GSE1: variants seen among roughly 807,000 people sequenced by gnomAD.
GSE1 encodes genetic suppressor element 1.
A neutral mutation model predicts 112.6 loss-of-function variants in GSE1; 32 were observed. The ratio of observed to expected loss-of-function variants is 0.28; its 90% confidence interval spans 0.21 to 0.38. The LOEUF (loss-of-function observed/expected upper bound fraction) is 0.38, where lower values mean the gene tolerates loss of function less well. GSE1 is among the 10% of genes least tolerant of loss of function. GSE1 has a pLI of 1.00. For synonymous variants in GSE1, 1,115 were observed against 735.6 expected (o/e 1.52, Z -8.35); for missense variants, 2,348 against 1,699.2 (o/e 1.38, Z -6.71).
chr16:85,416,611 C>T (rs2048709181), intron 2 of GSE1, among the ~76,000 whole-genome samples: 1 of 152,224 alleles, frequency 6.6e-6, no homozygotes, highest in Non-Finnish European at 1.5e-5. Flanking sequence ...CCCATCACAT[C>T]CTGTACATTT....
intron 1 of GSE1, among the ~76,000 whole-genome samples, chr16:85,302,928 C>A (rs2045567297): frequency 6.6e-6 from 1 of 152,234 alleles, no homozygotes; most frequent in South Asian, 2.1e-4. Flanking sequence ...GGGTCTTCCA[C>A]AAGGTGACTC....
At chr16:85,512,680 C>G (rs2051788232) in intron 2 of GSE1, among the ~76,000 whole-genome samples, 1 of 152,134 alleles carries the variant, frequency 6.6e-6, no homozygotes, top group African/African-American at 2.4e-5. Flanking sequence ...AATTAAGGGT[C>G]CCTCACACCA....
At chr16:85,538,403 G>A (rs745583626) in intron 2 of GSE1, among the ~76,000 whole-genome samples, 13 of 152,152 alleles carry the variant, frequency 8.5e-5, no homozygotes, top group East Asian at 3.9e-4. Flanking sequence ...ACAGCAGTGC[G>A]GCAGGGAGTT....
chr16:85,320,569 A>G (rs899480012), intron 1 of GSE1, among the ~76,000 whole-genome samples: 4 of 152,212 alleles, frequency 2.6e-5, no homozygotes, highest in Admixed American at 6.5e-5. Flanking sequence ...TGCTGGGATT[A>G]TAAGCGTGAG....
intron 3 of GSE1, among the ~76,000 whole-genome samples, chr16:85,649,398 A>G (rs1186652346): frequency 6.6e-6 from 1 of 152,216 alleles, no homozygotes; most frequent in Non-Finnish European, 1.5e-5. Context: ...GAGGTAGGAA[A>G]GATCCCAGCC....
At chr16:85,314,902 A>T (rs1371649957) in intron 1 of GSE1, among the ~76,000 whole-genome samples, 1 of 152,170 alleles carries the variant, frequency 6.6e-6, no homozygotes, top group African/African-American at 2.4e-5. Flanking sequence ...GTGTTGATCA[A>T]GTGACAAGCT....
At chr16:85,501,915 C>G (rs1301813891) in intron 2 of GSE1, among the ~76,000 whole-genome samples, 1 of 152,238 alleles carries the variant, frequency 6.6e-6, no homozygotes, top group Non-Finnish European at 1.5e-5. Flanking sequence ...GAATTTCCCT[C>G]AGGCCCTGGC....
At chr16:85,259,694 C>T (rs991682430) in intron 1 of GSE1, among the ~76,000 whole-genome samples, 1 of 152,178 alleles carries the variant, frequency 6.6e-6, no homozygotes, top group African/African-American at 2.4e-5. Context: ...GTAACAGTCC[C>T]GAGGGCAGGG....
chr16:85,178,987 G>T (rs540356652), intron 1 of GSE1, among the ~76,000 whole-genome samples: 1 of 152,228 alleles, frequency 6.6e-6, no homozygotes, highest in South Asian at 2.1e-4. Flanking sequence ...GGTGGTTTTT[G>T]TTGTTGTTTT....
At chr16:85,579,925 C>G (rs2046379056) in intron 1 of GSE1, 1 of 152,198 alleles carries the variant, frequency 6.6e-6, no homozygotes, top group African/African-American at 2.4e-5. Flanking sequence ...CCTGAGGAAC[C>G]AGGGCTAAAC....
chr16:85,213,281 AAAG>A (rs2075256742), intron 1 of GSE1, among the ~76,000 whole-genome samples: 1 of 151,820 alleles, frequency 6.6e-6, no homozygotes, highest in Non-Finnish European at 1.5e-5. Flanking sequence ...AAAAAAAAAA[AAAG>A]AAAAAGAAAA....
intron 2 of GSE1, among the ~76,000 whole-genome samples, chr16:85,486,652 T>C (rs1424188766): frequency 6.6e-6 from 1 of 152,194 alleles, no homozygotes; most frequent in African/African-American, 2.4e-5. Context: ...GTCCCACTCC[T>C]GCCCTGGCGA....
In GSE1 at chr16:85,359,802, C is replaced by T. The variant is rs530286593; in HGVS notation, c.2464+2159C>T. Among the ~76,000 whole-genome samples the T allele has an allele frequency of 3.3e-5, 5 of 152,252 alleles. No homozygotes were observed. In the East Asian group the frequency reaches 9.7e-4, roughly 29 times the overall value. On this transcript the variant is annotated intron_variant, in intron 2 of 2. Transcript: ENST00000637419. ...ACCCTCGGCACACCAGGCTGCTTCC[C>T]TGAGTGCTGGGAGGCCGAGGAGTTT...
Position 85,519,527 on chromosome 16 carries a change from T to A in GSE1, c.2465-114387T>A, listed in dbSNP as rs1444350907. On this transcript the variant is annotated intron_variant, in intron 2 of 2. Coordinates refer to the GSE1 transcript ENST00000637419. The stretch of plus-strand genomic sequence containing the variant: ...ATCACCGGTCTCCATCATCATCACC[T>A]TCACCACCATCATCACTATTACCAC... Among the ~76,000 whole-genome samples the A allele has an allele frequency of 2.7e-3, 34 of 12,526 alleles. 7 individuals are homozygous for A. The highest frequency in any genetic ancestry group is 7.1e-3 in the East Asian group (5 of 704). 8.2% of individuals were successfully genotyped at this position (12,526 alleles called of 152,430 possible).
chr16:85,611,897 G>A (rs1202441915), upstream of GSE1, among the ~76,000 whole-genome samples: 4 of 151,918 alleles, frequency 2.6e-5, no homozygotes, highest in Non-Finnish European at 5.9e-5. Flanking sequence ...GCGGGCTCGC[G>A]GGGACGGCAG....
intron 1 of GSE1, among the ~76,000 whole-genome samples, chr16:85,268,128 G>A (rs934872262): frequency 6.6e-6 from 1 of 152,122 alleles, no homozygotes; most frequent in African/African-American, 2.4e-5. Context: ...TCTGTATTTC[G>A]TGACACAGTG....
intron 2 of GSE1, among the ~76,000 whole-genome samples, chr16:85,476,774 A>AT (rs549006723): frequency 0.25 from 31,332 of 127,442 alleles, 4,675 homozygotes; most frequent in East Asian, 0.55. Flanking sequence ...ACGCCTGACC[A>AT]TTTTTTTTTT....
At chr16:85,466,445 C>T (rs1038423) in intron 2 of GSE1, among the ~76,000 whole-genome samples, 108,000 of 152,078 alleles carry the variant, frequency 0.71, 38,752 homozygotes, top group East Asian at 0.86. Flanking sequence ...CCCTGAGATT[C>T]CATGGCCTCA....
At chr16:85,580,325 A>T (rs1398602300) in intron 1 of GSE1, 3 of 152,010 alleles carry the variant, frequency 2.0e-5, no homozygotes, top group Non-Finnish European at 4.4e-5. Flanking sequence ...GAGTGCAGAG[A>T]GGGAGAGAGC....
Sources: allele counts gnomAD v4.1 joint callset (sites outside exome capture counted in the v4.1 genomes callset), GRCh38; gene constraint gnomAD v4.1.1; transcripts MANE v1.5; gene names NCBI Gene and HGNC (gene_info 2026-07-23, HGNC 2026-07-21).